Variants in CPLANE1 observed in about 807,000 individuals in gnomAD.
CPLANE1 encodes ciliogenesis and planar polarity effector 1.
In CPLANE1, 263 loss-of-function variants were observed where a neutral mutation model predicts 362.5. The ratio of observed to expected loss-of-function variants is 0.73; its 90% CI spans 0.66 to 0.80. The LOEUF (loss-of-function observed/expected upper bound fraction) is 0.80, where lower values mean the gene tolerates loss of function less well. Ranked by LOEUF, CPLANE1 falls within the 30% of genes least tolerant of loss-of-function variation. The pLI is 0.00. For missense variants in CPLANE1, 3,461 were observed against 3,793.4 expected, an observed-to-expected ratio of 0.91 and a Z score of 2.30; for synonymous variants, 1,212 against 1,302.6, an observed-to-expected ratio of 0.93 and a Z score of 1.50.
chr5:37,167,218 A>G lies in CPLANE1; in HGVS notation c.7234-5T>C, dbSNP rs371345017. On this transcript the variant is annotated splice_polypyrimidine_tract_variant and splice_region_variant and intron_variant, in intron 34 of 52. Coordinates refer to ENST00000651892, the MANE Select transcript of CPLANE1 (RefSeq NM_001384732.1). The stretch of plus-strand genomic sequence containing the variant: ...GATAAGTTGTGTTTTTTTGCACTAC[A>G]AGAAAGAAACAAAGCATAAGAATGA... 1 of 1,601,212 alleles carries G rather than the reference A, an allele frequency of 6.2e-7. No homozygotes were observed. Among genetic ancestry groups the G allele is most frequent in the Admixed American group, 1.8e-5 (1 of 56,296 alleles).
At chr5:37,188,399 T>A (rs1392914283) in intron 21 of CPLANE1, among the ~76,000 whole-genome samples, 1 of 152,238 alleles carries the variant, frequency 6.6e-6, no homozygotes, top group Non-Finnish European at 1.5e-5. Context: ...GTTCTATGGT[T>A]AATAGGACCT....
At chr5:37,125,761 C>A (rs2150146230) in intron 46 of CPLANE1, among the ~76,000 whole-genome samples, 1 of 152,218 alleles carries the variant, frequency 6.6e-6, no homozygotes, top group African/African-American at 2.4e-5. Flanking sequence ...AAAGGTTCTC[C>A]TTTTGACTTT....
intron 33 of CPLANE1, 130 bp from the exon 34 acceptor site, chr5:37,169,691 T>A: frequency 2.7e-6 from 2 of 737,132 alleles, no homozygotes; most frequent in Non-Finnish European, 4.3e-6. Context: ...ATTTATTCAA[T>A]AAAAAACACG....
chr5:37,081,809 T>C, the CPLANE1 span, among the ~76,000 whole-genome samples: 203 of 152,184 alleles, frequency 1.3e-3, no homozygotes, highest in African/African-American at 4.7e-3. Context: ...GTCAAACTGC[T>C]GAAAATCAAA....
chr5:37,108,602 G>A (rs1319566150), intron 51 of CPLANE1, 131 bp from the exon 52 acceptor site: 47 of 840,840 alleles, frequency 5.6e-5, no homozygotes, highest in Non-Finnish European at 8.5e-5. Flanking sequence ...CACAAGGTCT[G>A]GAAATGGTTC....
chr5:37,210,582 G>C, intron 16 of CPLANE1: 1 of 1,576,546 alleles, frequency 6.3e-7, no homozygotes, highest in East Asian at 2.2e-5. Flanking sequence ...GAAAGAACTT[G>C]AGCTTGAATT....
chr5:37,148,527 A>G (rs1473012135), intron 42 of CPLANE1, among the ~76,000 whole-genome samples: 1 of 152,200 alleles, frequency 6.6e-6, no homozygotes, highest in Admixed American at 6.5e-5. Flanking sequence ...CTTAATTACT[A>G]TCTAGACAAA....
chr5:37,077,663 G>A, the CPLANE1 span, among the ~76,000 whole-genome samples: 2 of 146,574 alleles, frequency 1.4e-5, no homozygotes, highest in Non-Finnish European at 3.0e-5. Flanking sequence ...ACCCAGGCTG[G>A]GGTGAAGTGG....
At chr5:37,186,484 T>C in intron 23 of CPLANE1, 90 bp from the exon 24 acceptor site, 4 of 687,484 alleles carry the variant, frequency 5.8e-6, no homozygotes, top group Non-Finnish European at 1.1e-5. Flanking sequence ...ACTCAAAATA[T>C]AAATGCACAT....
intron 6 of CPLANE1, among the ~76,000 whole-genome samples, chr5:37,241,480 T>C (rs1800452014): frequency 6.6e-6 from 1 of 152,042 alleles, no homozygotes. Flanking sequence ...GATAGATAGA[T>C]AGATAGGTAG....
Position 37,110,465 on chromosome 5 carries a change from A to G in CPLANE1, c.9401-1994T>C, listed in dbSNP as rs1758840357. Among the ~76,000 whole-genome samples, 8 of 152,206 alleles carry G rather than the reference A, an allele frequency of 5.3e-5. No individual in the cohort carries two copies. In the South Asian group the frequency reaches 1.7e-3, roughly 32 times the overall value. On this transcript the variant is annotated intron_variant, in intron 51 of 52. Transcript: ENST00000651892. ...TCACCTTCTCTTTTTCTAAATTTTT[A>G]TTCATTTAATTTTTAATTTGCTTCA...
At chr5:37,242,837 G>GT (rs1465776910) in intron 6 of CPLANE1, among the ~76,000 whole-genome samples, 176 bp downstream of exon 6, 2 of 148,912 alleles carry the variant, frequency 1.3e-5, no homozygotes, top group Non-Finnish European at 3.0e-5. Flanking sequence ...GAACTTGTCT[G>GT]TTAAAAAAAA....
In CPLANE1 at chr5:37,184,875, A is replaced by C; in HGVS notation, c.4394T>G (p.Leu1465Arg). The C allele has an allele frequency of 1.2e-6, 2 of 1,613,682 alleles. No individual in the cohort carries two copies. The highest frequency in any genetic ancestry group is 2.2e-5 in the South Asian group (2 of 91,070). Residue 1465 changes from leucine to arginine, a missense_variant, in exon 25 of 53, where the codon CTA becomes CGA. Leu to Arg is a moderately radical substitution (Grantham distance 102). This residue lies in a region of CPLANE1 where 3,380 missense variants were observed against 3,666.1 expected (regional missense o/e 0.92). Coordinates refer to ENST00000651892, the MANE Select transcript of CPLANE1 (RefSeq NM_001384732.1). Reference protein sequence around the residue: ...TSLSRSTLTELGDSVVHSDAD... With the variant: ...TSLSRSTLTERGDSVVHSDAD... ...ATCACTGTGAACCACAGAATCTCCT[A>C]GTTCTGTGAGTGTACTTCTGCTCAA...
At chr5:37,094,449 A>G in the CPLANE1 span, among the ~76,000 whole-genome samples, 1 of 152,226 alleles carries the variant, frequency 6.6e-6, no homozygotes, top group African/African-American at 2.4e-5. Context: ...CTAAGAGGAA[A>G]GTTCATAGCC....
chr5:37,141,975 G>T, intron 44 of CPLANE1: 1 of 596,022 alleles, frequency 1.7e-6, no homozygotes, highest in Non-Finnish European at 2.1e-6. Context: ...CTACTATTTT[G>T]TTTTCAAATT....
intron 9 of CPLANE1, 128 bp downstream of exon 9, chr5:37,230,739 T>C (rs1321939601): frequency 4.4e-5 from 24 of 546,294 alleles, no homozygotes; most frequent in Non-Finnish European, 6.1e-5. Flanking sequence ...GAAACAGATA[T>C]TGAGATGACA....
intron 43 of CPLANE1, among the ~76,000 whole-genome samples, chr5:37,146,201 C>T (rs565703180): frequency 1.3e-5 from 2 of 150,594 alleles, no homozygotes; most frequent in East Asian, 1.9e-4. Flanking sequence ...TTTTTCGAGA[C>T]GGAGTCTCGC....
At chr5:37,091,187 T>C in the CPLANE1 span, among the ~76,000 whole-genome samples, 4 of 152,312 alleles carry the variant, frequency 2.6e-5, no homozygotes, top group African/African-American at 7.2e-5. Context: ...TCATCAGTTA[T>C]GGCAAACAGA....
chr5:37,245,846 C>T lies in CPLANE1; in HGVS notation c.82-1G>A, dbSNP rs1434258106. 1.3e-6 allele frequency: 2 copies of T among 1,509,746 alleles called. No individual in the cohort carries two copies. The highest frequency in any genetic ancestry group is 2.5e-5 in the East Asian group (1 of 40,174). 93.5% of individuals were successfully genotyped at this position (1,509,746 alleles called of 1,614,324 possible). On this transcript the variant is annotated splice_acceptor_variant, in intron 2 of 52. Transcript: ENST00000651892. LOFTEE classifies it high-confidence loss of function. ...CCAAAAGAAAAACGGCTTCTTTTTC[C>T]TAAGAGAAGAAACATGTGAAGGACT...
Sources: allele counts gnomAD v4.1 joint callset (sites outside exome capture counted in the v4.1 genomes callset), GRCh38; gene constraint gnomAD v4.1.1; regional missense constraint gnomAD v4.1.1; transcripts MANE v1.5; gene names NCBI Gene and HGNC (gene_info 2026-07-23, HGNC 2026-07-21).